Variants in ERCC6L2 observed in about 807,000 individuals in gnomAD.
The protein encoded by ERCC6L2 is ERCC excision repair 6 like 2.
A neutral mutation model predicts 132.0 loss-of-function variants in ERCC6L2; 77 were observed. The ratio of observed to expected loss-of-function variants is 0.58; its 90% confidence interval spans 0.49 to 0.71. The LOEUF (loss-of-function observed/expected upper bound fraction) is 0.71, where lower values mean the gene tolerates loss of function less well. Among genes scored for constraint, ERCC6L2 ranks in the 30% least tolerant of loss-of-function variants. The pLI, the probability that ERCC6L2 is intolerant of heterozygous loss-of-function variation, is 0.00. For missense variants in ERCC6L2, 1,542 were observed against 1,837.6 expected, an observed-to-expected ratio of 0.84 and a Z score of 2.94; for synonymous variants, 583 against 632.4, an observed-to-expected ratio of 0.92 and a Z score of 1.17.
intron 1 of ERCC6L2, among the ~76,000 whole-genome samples, chr9:95,879,335 G>A (rs928352156): frequency 1.3e-5 from 2 of 152,128 alleles, no homozygotes; most frequent in African/African-American, 2.4e-5. Context: ...CCATTGTGTG[G>A]TATAATATTT....
chr9:95,882,668 A>T (rs1479177012), intron 2 of ERCC6L2, among the ~76,000 whole-genome samples: 1 of 104,816 alleles, frequency 9.5e-6, no homozygotes, highest in African/African-American at 4.1e-5. Flanking sequence ...AAAAGAAAAG[A>T]AAAAAAAAAT....
rs765265969 is a variant in ERCC6L2 at position 95,972,996 on chromosome 9, A to G, written c.3245A>G (p.Asn1082Ser). Residue 1082 changes from asparagine (N) to serine (S), a missense_variant, in exon 16 of 19, where the codon AAT becomes AGT. Asn to Ser is a conservative substitution (Grantham distance 46, BLOSUM62 1). This residue lies in a region of ERCC6L2 where 442 missense variants were observed against 583.4 expected (regional missense o/e 0.76). Transcript: ENST00000653738. ...SSKLPSHNKK[N>S]STFIPRKPMK... Reference sequence around the variant, plus strand: ...AAATTGCCTAGCCATAATAAGAAAAATAGCACTTTTATTCCAAGAAAACCA... The same window carrying G: ...AAATTGCCTAGCCATAATAAGAAAAGTAGCACTTTTATTCCAAGAAAACCA... 17 of 1,355,882 alleles carry G rather than the reference A, an allele frequency of 1.3e-5. No homozygotes were observed. The East Asian group carries it at 4.6e-4, about 37-fold the overall frequency. 84.0% of individuals were successfully genotyped at this position (1,355,882 alleles called of 1,614,324 possible).
At chr9:95,924,713 T>G (rs1026913978) in intron 9 of ERCC6L2, among the ~76,000 whole-genome samples, 2 of 152,164 alleles carry the variant, frequency 1.3e-5, no homozygotes, top group South Asian at 4.1e-4. Context: ...TTGTAAAATA[T>G]ACTTTTAAAG....
intron 13 of ERCC6L2, among the ~76,000 whole-genome samples, chr9:95,962,262 G>A (rs1831940842): frequency 6.6e-6 from 1 of 152,080 alleles, no homozygotes; most frequent in Admixed American, 6.6e-5. Flanking sequence ...GGGGGGGTTG[G>A]GGAGATTGGT....
At chr9:95,996,902 G>A (rs750167303) in intron 17 of ERCC6L2, among the ~76,000 whole-genome samples, 9 of 152,306 alleles carry the variant, frequency 5.9e-5, no homozygotes, top group Admixed American at 1.3e-4. Flanking sequence ...TCTGCAGCCC[G>A]TAGATCAAGG....
intron 3 of ERCC6L2, 76 bp from the exon 4 acceptor site, chr9:95,907,002 T>A (rs572354285): frequency 1.0e-6 from 1 of 973,346 alleles, no homozygotes; most frequent in Non-Finnish European, 1.6e-6. Flanking sequence ...ACTATTGATA[T>A]TGATATTGTG....
rs1224848929 is a variant in ERCC6L2, at chr9:95,970,572, A to G, written c.2101-4A>G. Reference sequence around the variant, plus strand: ...ATTTGCATTCTTTCTTACTGACATTATAGAGAGAAGGCCAAGTAGAAGCAG... The same window carrying G: ...ATTTGCATTCTTTCTTACTGACATTGTAGAGAGAAGGCCAAGTAGAAGCAG... On this transcript the variant is annotated splice_region_variant and splice_polypyrimidine_tract_variant and intron_variant, in intron 14 of 18. Coordinates refer to ENST00000653738, the MANE Select transcript of ERCC6L2 (RefSeq NM_020207.7). The G allele has an allele frequency of 3.1e-6, 4 of 1,302,578 alleles. No homozygotes were observed. The highest frequency in any genetic ancestry group is 3.0e-5 in the African/African-American group (2 of 65,754). The allele number at this position is 1,302,578 out of a possible 1,614,324, so 80.7% of individuals were successfully genotyped here. A position where few individuals can be genotyped will look rare whatever the true frequency, so the allele number is the denominator to read the frequency against.
chr9:95,876,242 C>T, intron 1 of ERCC6L2, 158 bp downstream of exon 1: 1 of 617,420 alleles, frequency 1.6e-6, no homozygotes, highest in South Asian at 2.4e-5. Flanking sequence ...ACCAAATCTC[C>T]GATTCAGTGT....
At chr9:95,955,431 A>G (rs554424801) in intron 12 of ERCC6L2, among the ~76,000 whole-genome samples, 2 of 148,868 alleles carry the variant, frequency 1.3e-5, no homozygotes, top group South Asian at 4.1e-4. Context: ...ACCACAATTA[A>G]CATAATAAAC....
intron 7 of ERCC6L2, among the ~76,000 whole-genome samples, chr9:95,922,062 A>G (rs909247434): frequency 3.9e-5 from 6 of 152,206 alleles, no homozygotes; most frequent in Non-Finnish European, 8.8e-5. Context: ...GAGGATAAAT[A>G]CTTTCTGTAA....
intron 16 of ERCC6L2, among the ~76,000 whole-genome samples, chr9:95,973,592 G>C (rs1339159638): frequency 2.0e-5 from 3 of 152,058 alleles, no homozygotes; most frequent in African/African-American, 7.2e-5. Flanking sequence ...TTGCAGAGGG[G>C]AACTCCTCTT....
chr9:95,957,806 A>G lies in ERCC6L2; in HGVS notation c.1947+1793A>G, dbSNP rs534531550. ...GATAGTTTGGAATTTTAACCAATGG[A>G]GCACACCTTCTAGCCTCCCAGGTTG... On this transcript the variant is annotated intron_variant, in intron 13 of 18. Coordinates refer to ENST00000653738, the MANE Select transcript of ERCC6L2 (RefSeq NM_020207.7). Among the ~76,000 whole-genome samples the G allele has an allele frequency of 5.3e-5, 8 of 152,178 alleles. No individual in the cohort carries two copies. The South Asian group carries it at 1.4e-3, about 28-fold the overall frequency.
intron 17 of ERCC6L2, among the ~76,000 whole-genome samples, chr9:95,991,929 T>C (rs543706196): frequency 5.9e-5 from 9 of 152,306 alleles, no homozygotes; most frequent in African/African-American, 1.9e-4. Flanking sequence ...TAACCTTGAG[T>C]TTTGGTATAG....
At chr9:95,971,171 T>C (rs952902937) in intron 15 of ERCC6L2, among the ~76,000 whole-genome samples, 12 of 152,112 alleles carry the variant, frequency 7.9e-5, no homozygotes, top group Non-Finnish European at 1.5e-4. Context: ...TTTGTTATTG[T>C]TGCTGGTTTT....
chr9:95,902,360 T>A (rs936817006), intron 3 of ERCC6L2, among the ~76,000 whole-genome samples: 1 of 152,090 alleles, frequency 6.6e-6, no homozygotes, highest in Non-Finnish European at 1.5e-5. Flanking sequence ...CTAAGTAAAA[T>A]TCATAATTAA....
chr9:96,024,533 C>T (rs1257880872), intron 19 of ERCC6L2, among the ~76,000 whole-genome samples: 4 of 152,212 alleles, frequency 2.6e-5, no homozygotes, highest in African/African-American at 9.6e-5. Context: ...TTCTAGTTTC[C>T]TTGGTGGGCT....
chr9:95,922,416 C>A lies in ERCC6L2; in HGVS notation c.1411C>A (p.Gln471Lys). The stretch of plus-strand genomic sequence containing the variant: ...GCAAGCTGCTAGTACTTCCAAACAA[C>A]AGGTTTGGTTAGCATTTTACATTTC... ...LLQAASTSKQ[Q>K]ETLIKRICDQ... The change falls in exon 8 of 19, where the codon CAG becomes AAG. Residue 471 changes from glutamine (Q) to lysine (K), a missense_variant and splice_region_variant. Physicochemically the swap from Gln to Lys is moderately conservative, Grantham distance 53. Transcript: ENST00000653738. The A allele has an allele frequency of 1.3e-6, 2 of 1,575,546 alleles. No individual in the cohort carries two copies. The highest frequency in any genetic ancestry group is 8.7e-7 in the Non-Finnish European group (1 of 1,145,764).
intron 17 of ERCC6L2, among the ~76,000 whole-genome samples, chr9:95,999,029 A>C (rs1833563609): frequency 6.6e-6 from 1 of 152,220 alleles, no homozygotes; most frequent in Non-Finnish European, 1.5e-5. Context: ...ATAGATTTTT[A>C]AAAATAAAAG....
intron 11 of ERCC6L2, 94 bp downstream of exon 11, chr9:95,928,958 G>C: frequency 1.1e-6 from 1 of 948,800 alleles, no homozygotes; most frequent in Non-Finnish European, 1.5e-6. Flanking sequence ...ATTTTTAATG[G>C]CTATGCTTAT....
Sources: gnomAD v4.1 joint callset for allele counts (sites outside exome capture counted in the v4.1 genomes callset) on GRCh38, gnomAD v4.1.1 for gene constraint, gnomAD v4.1.1 regional missense constraint, MANE v1.5 for transcripts, NCBI Gene and HGNC (gene_info 2026-07-23, HGNC 2026-07-21) for gene names.